BICC1: variants seen among roughly 807,000 people sequenced by gnomAD.
The protein encoded by BICC1 is BicC family RNA binding protein 1, also known as protein bicaudal C homolog 1.
BICC1 carries 43 observed loss-of-function variants against 111.0 expected under a neutral mutation model. The ratio of observed to expected loss-of-function variants is 0.39; its 90% CI spans 0.30 to 0.50. BICC1 has a LOEUF of 0.50. BICC1 is among the 20% of genes least tolerant of loss of function. The pLI is 0.88. For synonymous variants in BICC1, 467 were observed against 434.4 expected, an observed-to-expected ratio of 1.07 and a Z score of -0.93; for missense variants, 1,091 against 1,203.2, an observed-to-expected ratio of 0.91 and a Z score of 1.38.
chr10:58,818,065 T>C (rs759408101), intron 19 of BICC1, among the ~76,000 whole-genome samples: 1 of 152,228 alleles, frequency 6.6e-6, no homozygotes, highest in African/African-American at 2.4e-5. Flanking sequence ...CATGATTTCA[T>C]TTTGAATCTG....
At chr10:58,805,208 A>G (rs776389485) in intron 15 of BICC1, among the ~76,000 whole-genome samples, 14 of 151,986 alleles carry the variant, frequency 9.2e-5, no homozygotes, top group Non-Finnish European at 1.5e-4. Flanking sequence ...TAGAAGAATC[A>G]CTTGAACCCA....
intron 3 of BICC1, among the ~76,000 whole-genome samples, chr10:58,714,083 G>A (rs1416536575): frequency 1.3e-5 from 2 of 152,120 alleles, no homozygotes; most frequent in Non-Finnish European, 2.9e-5. Flanking sequence ...GAAGACAGCC[G>A]CCTCAACACA....
chr10:58,571,847 A>G (rs1292145955), intron 1 of BICC1, among the ~76,000 whole-genome samples: 1 of 152,154 alleles, frequency 6.6e-6, no homozygotes, highest in Admixed American at 6.6e-5. Flanking sequence ...TCCTTTGGGT[A>G]TAAAGAAATG....
At chr10:58,702,201 T>G in intron 3 of BICC1, 58 bp downstream of exon 3, 1 of 1,391,120 alleles carries the variant, frequency 7.2e-7, no homozygotes, top group Non-Finnish European at 1.0e-6. Context: ...ATGGAATTAC[T>G]GCAGGTTTGC....
intron 3 of BICC1, among the ~76,000 whole-genome samples, chr10:58,780,753 A>C (rs1327388033): frequency 6.6e-6 from 1 of 152,198 alleles, no homozygotes; most frequent in Non-Finnish European, 1.5e-5. Flanking sequence ...AATCTTTTAA[A>C]AGCATAACTA....
intron 3 of BICC1, among the ~76,000 whole-genome samples, chr10:58,714,078 C>G (rs986724871): frequency 1.3e-5 from 2 of 152,192 alleles, no homozygotes; most frequent in Non-Finnish European, 2.9e-5. Flanking sequence ...CTGCAGAAGA[C>G]AGCCGCCTCA....
intron 1 of BICC1, among the ~76,000 whole-genome samples, chr10:58,590,950 G>A (rs1440637031): frequency 1.3e-5 from 2 of 152,276 alleles, no homozygotes; most frequent in South Asian, 2.1e-4. Flanking sequence ...TTTGACCACC[G>A]GTTCTCTCAG....
intron 8 of BICC1, among the ~76,000 whole-genome samples, chr10:58,792,789 A>G (rs1205067256): frequency 6.6e-6 from 1 of 152,176 alleles, no homozygotes; most frequent in East Asian, 1.9e-4. Flanking sequence ...TGTGATAATA[A>G]TAGTAATAAA....
chr10:58,742,399 C>A, intron 3 of BICC1, among the ~76,000 whole-genome samples: 1 of 148,848 alleles, frequency 6.7e-6, no homozygotes. Context: ...AAGAGTTAGT[C>A]ACTTCTGCCA....
intron 2 of BICC1, among the ~76,000 whole-genome samples, chr10:58,683,233 T>G (rs982378861): frequency 6.6e-6 from 1 of 152,238 alleles, no homozygotes; most frequent in Non-Finnish European, 1.5e-5. Flanking sequence ...TTCTGTTCCA[T>G]TGGTCTATAT....
At chr10:58,765,205 G>T (rs1842424171) in intron 3 of BICC1, among the ~76,000 whole-genome samples, 1 of 151,824 alleles carries the variant, frequency 6.6e-6, no homozygotes, top group South Asian at 2.1e-4. Context: ...CTTCGGCCTC[G>T]CAAGCCTGGC....
At chr10:58,765,629 A>T (rs550639673) in intron 3 of BICC1, among the ~76,000 whole-genome samples, 7 of 152,218 alleles carry the variant, frequency 4.6e-5, no homozygotes, top group Non-Finnish European at 7.3e-5. Flanking sequence ...AATATCTAAG[A>T]TTTCAAAACT....
intron 17 of BICC1, among the ~76,000 whole-genome samples, chr10:58,811,094 A>G (rs1843888739): frequency 6.6e-6 from 1 of 152,330 alleles, no homozygotes; most frequent in African/African-American, 2.4e-5. Flanking sequence ...TTAGATAAGA[A>G]GCAGGCACTT....
At chr10:58,747,539 T>C (rs1213693527) in intron 3 of BICC1, among the ~76,000 whole-genome samples, 1 of 152,158 alleles carries the variant, frequency 6.6e-6, no homozygotes, top group East Asian at 1.9e-4. Context: ...TGTTTTGATA[T>C]ATGTATATGA....
intron 1 of BICC1, among the ~76,000 whole-genome samples, chr10:58,535,737 A>G (rs1286840519): frequency 6.6e-6 from 1 of 151,710 alleles, no homozygotes; most frequent in Non-Finnish European, 1.5e-5. Flanking sequence ...CAATACTAAC[A>G]TTGAATGGAG....
chr10:58,766,904 G>A (rs1842471810), intron 3 of BICC1, among the ~76,000 whole-genome samples: 1 of 151,956 alleles, frequency 6.6e-6, no homozygotes, highest in Admixed American at 6.6e-5. Context: ...CGAGAACACT[G>A]GAGGAGATTA....
At chr10:58,809,580 G>A (rs921416670) in intron 17 of BICC1, among the ~76,000 whole-genome samples, 4 of 152,084 alleles carry the variant, frequency 2.6e-5, no homozygotes, top group African/African-American at 7.2e-5. Flanking sequence ...ATTTCCAGTG[G>A]AGGACTTACT....
intron 3 of BICC1, among the ~76,000 whole-genome samples, chr10:58,727,712 G>T (rs1458129682): frequency 6.6e-6 from 1 of 152,122 alleles, no homozygotes; most frequent in East Asian, 1.9e-4. Flanking sequence ...TTTAGAAACT[G>T]GATTTATATT....
At chr10:58,717,551 T>G (rs1840786908) in intron 3 of BICC1, among the ~76,000 whole-genome samples, 2 of 152,204 alleles carry the variant, frequency 1.3e-5, no homozygotes, top group African/African-American at 4.8e-5. Context: ...AGCAGAGAAC[T>G]TCTTCTATAT....
Sources: gnomAD v4.1 joint callset for allele counts (sites outside exome capture counted in the v4.1 genomes callset) on GRCh38, gnomAD v4.1.1 for gene constraint, MANE v1.5 for transcripts, NCBI Gene and HGNC (gene_info 2026-07-23, HGNC 2026-07-21) for gene names.